The following ZBBX variants were observed in gnomAD, a reference collection of about 807,000 sequenced individuals.
ZBBX encodes zinc finger B-box domain containing.
In ZBBX, 101 loss-of-function variants were observed where a neutral mutation model predicts 108.5. The ratio of observed to expected loss-of-function variants is 0.93; its 90% CI spans 0.79 to 1.10. ZBBX has a LOEUF of 1.10. Ranked by LOEUF, ZBBX falls within the 50% of genes least tolerant of loss-of-function variation. The pLI is 0.00. For missense variants in ZBBX, 1,009 were observed against 941.4 expected, an observed-to-expected ratio of 1.07 and a Z score of -0.94; for synonymous variants, 356 against 323.4, an observed-to-expected ratio of 1.10 and a Z score of -1.08.
rs544898668 is a variant in ZBBX at position 167,303,267 on chromosome 3, T to C, written c.1725+2376A>G. Among the ~76,000 whole-genome samples the C allele has an allele frequency of 2.0e-5, 3 of 152,332 alleles. 1 individual carries two copies. The highest frequency in any genetic ancestry group is 7.2e-5 in the African/African-American group (3 of 41,574). ...ATTGTTACTCAAAGTATTTAACATG[T>C]ATAACTAAAACACTAAGTCAACAAT... On this transcript the variant is annotated intron_variant, in intron 17 of 21. Coordinates refer to ENST00000675490, the MANE Select transcript of ZBBX (RefSeq NM_001199201.2).
At chr3:167,331,817 A>G (rs184034244) in intron 10 of ZBBX, among the ~76,000 whole-genome samples, 69 of 152,328 alleles carry the variant, frequency 4.5e-4, no homozygotes, top group Non-Finnish European at 8.1e-4. Context: ...ACAGAAGAGC[A>G]AAAAAGCTAA....
chr3:167,368,750 TC>T, intron 4 of ZBBX, 176 bp from the exon 5 acceptor site: 1 of 1,264,110 alleles, frequency 7.9e-7, no homozygotes, highest in Admixed American at 3.9e-5. Flanking sequence ...TCCATCAAAA[TC>T]CTGAAGCAAA....
intron 3 of ZBBX, among the ~76,000 whole-genome samples, chr3:167,373,503 ATC>A: frequency 6.6e-6 from 1 of 152,326 alleles, no homozygotes; most frequent in East Asian, 1.9e-4. Flanking sequence ...AGGGGCACCA[ATC>A]CCCCAAAAAT....
chr3:167,406,780 T>C (rs938757394), intron 1 of ZBBX, among the ~76,000 whole-genome samples: 13 of 152,110 alleles, frequency 8.5e-5, no homozygotes, highest in African/African-American at 3.1e-4. Flanking sequence ...GGTGAAGGGA[T>C]TGGAAAGGAT....
the ZBBX span, among the ~76,000 whole-genome samples, chr3:167,204,884 T>C: frequency 1.3e-5 from 2 of 150,306 alleles, no homozygotes; most frequent in South Asian, 2.1e-4. Context: ...AGATAAGATA[T>C]AGAGGACAGG....
chr3:167,194,949 G>A, the ZBBX span, among the ~76,000 whole-genome samples: 1 of 152,166 alleles, frequency 6.6e-6, no homozygotes, highest in Non-Finnish European at 1.5e-5. Context: ...AGGACCAGAA[G>A]CACTGAGTGC....
intron 12 of ZBBX, among the ~76,000 whole-genome samples, chr3:167,319,966 A>G (rs563681987): frequency 6.6e-6 from 1 of 151,956 alleles, no homozygotes; most frequent in Admixed American, 6.6e-5. Flanking sequence ...CCAGATGGAT[A>G]GATACAGAAA....
upstream of ZBBX, chr3:167,381,426 A>G (rs1256491831): frequency 2.0e-5 from 3 of 152,212 alleles, no homozygotes; most frequent in African/African-American, 7.2e-5. Flanking sequence ...GAGTAAATGA[A>G]ACAATAAATA....
intron 9 of ZBBX, among the ~76,000 whole-genome samples, chr3:167,340,567 A>G (rs1354972835): frequency 2.6e-5 from 4 of 152,036 alleles, no homozygotes; most frequent in Non-Finnish European, 5.9e-5. Context: ...GTCCTTCTTT[A>G]TAGATAGTCT....
intron 20 of ZBBX, among the ~76,000 whole-genome samples, chr3:167,263,027 T>C (rs1477278923): frequency 6.9e-6 from 1 of 143,962 alleles, no homozygotes; most frequent in African/African-American, 2.6e-5. Flanking sequence ...GTGCTTGCTT[T>C]TCTAGTTCTT....
At chr3:167,404,216 G>A (rs534047647) in intron 1 of ZBBX, among the ~76,000 whole-genome samples, 4 of 151,302 alleles carry the variant, frequency 2.6e-5, no homozygotes, top group Admixed American at 1.3e-4. Flanking sequence ...AATGGAATTC[G>A]TTAAAAAAAT....
intron 20 of ZBBX, among the ~76,000 whole-genome samples, chr3:167,257,597 C>A (rs778754415): frequency 3.9e-5 from 6 of 151,966 alleles, no homozygotes; most frequent in Non-Finnish European, 7.4e-5. Flanking sequence ...CATGGAGGGA[C>A]GTTAACTTTA....
chr3:167,215,260 G>A, the ZBBX span, among the ~76,000 whole-genome samples: 1 of 151,810 alleles, frequency 6.6e-6, no homozygotes, highest in Non-Finnish European at 1.5e-5. Flanking sequence ...AAAGAGAGAA[G>A]ATCCAAATAA....
At chr3:167,272,971 C>A (rs933677514) in intron 20 of ZBBX, among the ~76,000 whole-genome samples, 4 of 152,200 alleles carry the variant, frequency 2.6e-5, no homozygotes. Flanking sequence ...CATTTCTATT[C>A]TCATTCCCAC....
chr3:167,277,095 C>T (rs923074456), intron 20 of ZBBX, among the ~76,000 whole-genome samples: 8 of 151,776 alleles, frequency 5.3e-5, no homozygotes, highest in East Asian at 1.9e-4. Context: ...CTGAAGGAAG[C>T]GCTAAACATG....
intron 18 of ZBBX, among the ~76,000 whole-genome samples, chr3:167,292,158 T>C (rs900740159): frequency 2.6e-5 from 4 of 151,992 alleles, no homozygotes; most frequent in South Asian, 2.1e-4. Flanking sequence ...AGACAGAAAA[T>C]TAACAAGGAT....
chr3:167,202,286 T>A, the ZBBX span, among the ~76,000 whole-genome samples: 1 of 152,116 alleles, frequency 6.6e-6, no homozygotes, highest in African/African-American at 2.4e-5. Context: ...AAGGGCAGAG[T>A]ACTGAGCCAC....
At chr3:167,188,917 C>T in the ZBBX span, among the ~76,000 whole-genome samples, 12 of 152,192 alleles carry the variant, frequency 7.9e-5, no homozygotes, top group African/African-American at 2.9e-4. Context: ...TGAGGAAACC[C>T]TGAGATTTAA....
intron 18 of ZBBX, among the ~76,000 whole-genome samples, chr3:167,293,070 C>T (rs1413427188): frequency 6.6e-6 from 1 of 152,024 alleles, no homozygotes; most frequent in African/African-American, 2.4e-5. Context: ...AGCCTACCAA[C>T]CAAAAAAAGT....
Sources: allele counts gnomAD v4.1 joint callset (sites outside exome capture counted in the v4.1 genomes callset), GRCh38; gene constraint gnomAD v4.1.1; transcripts MANE v1.5; gene names NCBI Gene and HGNC (gene_info 2026-07-23, HGNC 2026-07-21).